The following PTPRZ1 variants were observed in gnomAD, a reference collection of about 807,000 sequenced individuals.
The protein encoded by PTPRZ1 is protein tyrosine phosphatase receptor type Z1, also known as receptor-type tyrosine-protein phosphatase zeta.
Under a neutral mutation model 214.1 loss-of-function variants are expected in PTPRZ1, and 82 were observed. The observed-to-expected ratio is 0.38, with a 90% CI of 0.32 to 0.46. The LOEUF is 0.46. PTPRZ1 is among the 20% of genes least tolerant of loss of function. PTPRZ1 has a pLI of 1.00. For synonymous variants in PTPRZ1, 945 were observed against 987.9 expected, an observed-to-expected ratio of 0.96 and a Z score of 0.81; for missense variants, 2,603 against 2,748.7, an observed-to-expected ratio of 0.95 and a Z score of 1.19.
chr7:122,034,015 T>C (rs182179303), intron 15 of PTPRZ1, 80 bp from the exon 16 acceptor site: 18 of 1,319,276 alleles, frequency 1.4e-5, no homozygotes, highest in East Asian at 9.2e-5. Flanking sequence ...GTAAACCTAA[T>C]ATGAACGCTT....
intron 23 of PTPRZ1, among the ~76,000 whole-genome samples, chr7:122,045,581 A>G (rs1799865955): frequency 1.3e-5 from 2 of 152,040 alleles, no homozygotes; most frequent in Admixed American, 1.3e-4. Flanking sequence ...TCAGTCATAA[A>G]GGAATGCCTT....
intron 2 of PTPRZ1, among the ~76,000 whole-genome samples, chr7:121,952,237 C>A (rs1293830966): frequency 6.6e-6 from 1 of 151,010 alleles, no homozygotes; most frequent in African/African-American, 2.4e-5. Flanking sequence ...GGATTACAGG[C>A]GTGAGTCACC....
intron 14 of PTPRZ1, 135 bp from the exon 15 acceptor site, chr7:122,031,339 C>T: frequency 3.1e-6 from 2 of 641,578 alleles, no homozygotes; most frequent in East Asian, 3.0e-5. Flanking sequence ...GTAATTGTTG[C>T]TTAACAATTG....
intron 19 of PTPRZ1, 125 bp from the exon 20 acceptor site, chr7:122,039,329 T>G: frequency 9.4e-7 from 1 of 1,066,446 alleles, no homozygotes; most frequent in Non-Finnish European, 1.3e-6. Flanking sequence ...ATAAAGAAAA[T>G]AAAACATTTA....
At chr7:122,041,690 A>G (rs1799737453) in intron 21 of PTPRZ1, among the ~76,000 whole-genome samples, 1 of 152,226 alleles carries the variant, frequency 6.6e-6, no homozygotes, top group Non-Finnish European at 1.5e-5. Flanking sequence ...CTTAGATCAC[A>G]AAAATCAAAT....
At chr7:121,891,451 C>CTTT (rs58135453) in intron 1 of PTPRZ1, among the ~76,000 whole-genome samples, 30 of 35,742 alleles carry the variant, frequency 8.4e-4, no homozygotes, top group African/African-American at 1.4e-3. Context: ...AAAACAACCT[C>CTTT]TTTTTTTTTT....
At chr7:121,907,845 A>G (rs1302940713) in intron 1 of PTPRZ1, among the ~76,000 whole-genome samples, 1 of 152,096 alleles carries the variant, frequency 6.6e-6, no homozygotes, top group Non-Finnish European at 1.5e-5. Context: ...ATTCTGAATT[A>G]CCTTGATTAT....
In PTPRZ1 at chr7:122,044,529, T is replaced by G; in HGVS notation, c.6045T>G (p.Pro2015=). The change falls in exon 23 of 30, where the codon CCT becomes CCG. Residue 2015 remains proline, a synonymous_variant. Coordinates refer to ENST00000393386, the MANE Select transcript of PTPRZ1 (RefSeq NM_002851.3). ...IHAYVNALLI[P]GPAGKTKLEK... is the part of the protein sequence containing the mutation. The stretch of plus-strand genomic sequence containing the variant: ...CCTATGTTAATGCACTCCTCATTCC[T>G]GGACCAGCAGGCAAAACAAAGCTAG... 1.2e-6 allele frequency: 2 copies of G among 1,613,850 alleles called. No homozygotes were observed. The highest frequency in any genetic ancestry group is 1.7e-4 in the Middle Eastern group (1 of 6,060).
intron 11 of PTPRZ1, among the ~76,000 whole-genome samples, chr7:122,008,693 A>C (rs1181746653): frequency 1.3e-5 from 2 of 152,106 alleles, no homozygotes; most frequent in Non-Finnish European, 2.9e-5. Flanking sequence ...GTTTTGGTAG[A>C]GAGAAGGAGT....
At chr7:121,920,398 G>T (rs1011693) in intron 1 of PTPRZ1, among the ~76,000 whole-genome samples, 104,197 of 151,990 alleles carry the variant, frequency 0.69, 37,285 homozygotes, top group African/African-American at 0.9. Flanking sequence ...AATTGTGTTT[G>T]CTACTCCCTT....
chr7:122,036,768 A>G, intron 18 of PTPRZ1, 86 bp downstream of exon 18: 1 of 834,420 alleles, frequency 1.2e-6, no homozygotes, highest in Non-Finnish European at 1.9e-6. Flanking sequence ...TACATATACT[A>G]GTGCTTAATG....
In PTPRZ1 at chr7:122,059,799, A is replaced by C; in HGVS notation, c.6718A>C (p.Met2240Leu). ...AGTFCALTTL[M>L]HQLEKENSVD... Reference sequence around the variant, plus strand: ...AACTTTCTGTGCTCTGACAACCCTTATGCACCAACTAGAAAAAGAAAATTC... The same window carrying C: ...AACTTTCTGTGCTCTGACAACCCTTCTGCACCAACTAGAAAAAGAAAATTC... The change falls in exon 29 of 30, where the codon ATG becomes CTG. Residue 2240 changes from methionine (M) to leucine (L), a missense_variant. This residue lies in a region of PTPRZ1 where 165 missense variants were observed against 151.4 expected (regional missense o/e 1.09). Coordinates refer to ENST00000393386, the MANE Select transcript of PTPRZ1 (RefSeq NM_002851.3). 6.2e-7 allele frequency: 1 copy of C among 1,613,370 alleles called. No homozygotes were observed. The highest frequency in any genetic ancestry group is 8.5e-7 in the Non-Finnish European group (1 of 1,179,722).
At position 121,996,424 on chromosome 7, in the gene PTPRZ1, A is replaced by AT; in HGVS notation, c.973dup (p.Tyr325LeufsTer16). ...GAAAATGTTCAGGCTGACCCAGAGAATTATACCAGCCTTCTTGTTACATGG... is the reference window on the plus strand; with the variant it reads ...GAAAATGTTCAGGCTGACCCAGAGAATTTATACCAGCCTTCTTGTTACATGG... On this transcript the variant is annotated frameshift_variant, in exon 9 of 30. Coordinates refer to ENST00000393386, the MANE Select transcript of PTPRZ1 (RefSeq NM_002851.3). LOFTEE classifies it high-confidence loss of function. The AT allele has an allele frequency of 6.2e-7, 1 of 1,611,774 alleles. No individual in the cohort carries two copies. Among genetic ancestry groups the AT allele is most frequent in the Non-Finnish European group, 8.5e-7 (1 of 1,178,606 alleles).
chr7:121,892,722 A>G (rs1173719363), intron 1 of PTPRZ1, among the ~76,000 whole-genome samples: 1 of 117,602 alleles, frequency 8.5e-6, no homozygotes, highest in Admixed American at 8.6e-5. Context: ...ATATATATAT[A>G]TGTAATGTTT....
At position 122,019,008 on chromosome 7, in the gene PTPRZ1, G is replaced by T. The variant is rs117559895; in HGVS notation, c.4844-116G>T. On this transcript the variant is annotated intron_variant, in intron 12 of 29. Coordinates refer to ENST00000393386, the MANE Select transcript of PTPRZ1 (RefSeq NM_002851.3). The stretch of plus-strand genomic sequence containing the variant: ...AATTGTAGACATTCTTTGCATCAAA[G>T]AGTCAAAATTTTAAAGGTAAGTAAC... The T allele has an allele frequency of 1.0e-3, 982 of 965,312 alleles. 9 individuals are homozygous for T. The East Asian group carries it at 0.018, about 17-fold the overall frequency. The allele number at this position is 965,312 out of a possible 1,614,324, so 59.8% of individuals were successfully genotyped here. A position where few individuals can be genotyped will look rare whatever the true frequency, so the allele number is the denominator to read the frequency against.
intron 2 of PTPRZ1, among the ~76,000 whole-genome samples, chr7:121,928,502 C>G (rs925835865): frequency 6.6e-6 from 1 of 152,006 alleles, no homozygotes; most frequent in African/African-American, 2.4e-5. Context: ...ACCTGGGGCT[C>G]TGTTTTTTTC....
chr7:122,031,178 C>T (rs151335221), intron 14 of PTPRZ1, among the ~76,000 whole-genome samples: 1 of 152,068 alleles, frequency 6.6e-6, no homozygotes, highest in Admixed American at 6.6e-5. Flanking sequence ...AAGATGCAGT[C>T]CACTGATAAG....
chr7:121,923,295 T>G (rs914827161), intron 1 of PTPRZ1, among the ~76,000 whole-genome samples: 2 of 152,224 alleles, frequency 1.3e-5, no homozygotes, highest in Non-Finnish European at 2.9e-5. Context: ...CTCCTTTTTA[T>G]GTCCTCGGAT....
At chr7:121,920,101 C>T (rs1019590478) in intron 1 of PTPRZ1, among the ~76,000 whole-genome samples, 2 of 151,964 alleles carry the variant, frequency 1.3e-5, no homozygotes, top group African/African-American at 4.8e-5. Context: ...TATGAACTTG[C>T]TTGGTGTTTT....
Sources: gnomAD v4.1 joint callset for allele counts (sites outside exome capture counted in the v4.1 genomes callset) on GRCh38, gnomAD v4.1.1 for gene constraint, gnomAD v4.1.1 regional missense constraint, MANE v1.5 for transcripts, NCBI Gene and HGNC (gene_info 2026-07-23, HGNC 2026-07-21) for gene names.